The following NFATC2 variants were observed in gnomAD, a reference collection of about 807,000 sequenced individuals.
The protein encoded by NFATC2 is nuclear factor of activated T cells 2, also known as nuclear factor of activated T-cells, cytoplasmic 2.
A neutral mutation model predicts 87.3 loss-of-function variants in NFATC2; 22 were observed. The observed-to-expected ratio is 0.25, with a 90% CI of 0.18 to 0.36. The LOEUF (loss-of-function observed/expected upper bound fraction) is 0.36, where lower values mean the gene tolerates loss of function less well. Among genes scored for constraint, NFATC2 ranks in the 10% least tolerant of loss-of-function variants. The pLI is 1.00. For synonymous variants in NFATC2, 565 were observed against 542.2 expected (o/e 1.04, Z -0.58); for missense variants, 1,149 against 1,259.1 (o/e 0.91, Z 1.32).
chr20:51,512,383 T>A (rs1301486329), intron 3 of NFATC2, among the ~76,000 whole-genome samples: 1 of 152,012 alleles, frequency 6.6e-6, no homozygotes, highest in East Asian at 1.9e-4. Flanking sequence ...ACTCAAACCA[T>A]CCTAGTCCAC....
At position 51,391,332 on chromosome 20, in the gene NFATC2, G is replaced by A. The variant is rs766678898; in HGVS notation, c.*164C>T. 3 of 1,519,332 alleles carry A rather than the reference G, an allele frequency of 2.0e-6. No individual in the cohort carries two copies. The highest frequency in any genetic ancestry group is 2.7e-6 in the Non-Finnish European group (3 of 1,094,104). 94.1% of individuals were successfully genotyped at this position (1,519,332 alleles called of 1,614,324 possible). A position where few individuals can be genotyped will look rare whatever the true frequency, so the allele number is the denominator to read the frequency against. On this transcript the variant is annotated 3_prime_UTR_variant, in exon 11 of 11. Transcript: ENST00000371564. Reference sequence around the variant, plus strand: ...AGATGAACATGAAAGGAGACAGAAGGTGAGGGGCTGTGGAGGGCTCCGAGG... The same window carrying A: ...AGATGAACATGAAAGGAGACAGAAGATGAGGGGCTGTGGAGGGCTCCGAGG...
At chr20:51,495,086 C>T (rs2075965853) in intron 3 of NFATC2, among the ~76,000 whole-genome samples, 1 of 152,088 alleles carries the variant, frequency 6.6e-6, no homozygotes, top group African/African-American at 2.4e-5. Context: ...GACCCTAAAC[C>T]TCATTTTATT....
intron 9 of NFATC2, among the ~76,000 whole-genome samples, chr20:51,415,441 T>A (rs1000298249): frequency 6.6e-6 from 1 of 152,080 alleles, no homozygotes; most frequent in African/African-American, 2.4e-5. Flanking sequence ...CCCGGCTTCC[T>A]GAAGACAGAT....
chr20:51,435,890 T>C (rs139515557), intron 6 of NFATC2, 129 bp from the exon 7 acceptor site: 15,108 of 721,476 alleles, frequency 0.021, 214 homozygotes, highest in Non-Finnish European at 0.027. Context: ...TGTGTCAATA[T>C]GTGCACGTGT....
intron 3 of NFATC2, among the ~76,000 whole-genome samples, chr20:51,492,534 G>T (rs903270283): frequency 6.6e-6 from 1 of 152,228 alleles, no homozygotes; most frequent in African/African-American, 2.4e-5. Flanking sequence ...ACAGGGGAAA[G>T]CTTTTCCTCT....
intron 7 of NFATC2, 43 bp downstream of exon 7, chr20:51,435,663 C>T (rs755550930): frequency 5.7e-6 from 9 of 1,584,442 alleles, no homozygotes; most frequent in East Asian, 4.5e-5. Context: ...AAGAGGGAAA[C>T]GTGAGGGGGA....
intron 6 of NFATC2, among the ~76,000 whole-genome samples, chr20:51,451,033 G>C (rs897138276): frequency 6.6e-6 from 1 of 152,198 alleles, no homozygotes; most frequent in Admixed American, 6.5e-5. Flanking sequence ...AACTTGGTAG[G>C]ATCCAGCCTC....
At chr20:51,418,302 G>A (rs192544552) in intron 9 of NFATC2, among the ~76,000 whole-genome samples, 1 of 152,226 alleles carries the variant, frequency 6.6e-6, no homozygotes. Flanking sequence ...TTCAGATGGT[G>A]GTTCTTAACC....
At chr20:51,486,715 C>G (rs565213264) in intron 3 of NFATC2, among the ~76,000 whole-genome samples, 14 of 152,046 alleles carry the variant, frequency 9.2e-5, no homozygotes, top group African/African-American at 3.4e-4. Flanking sequence ...GATTGATTCT[C>G]AGGTTCCTAT....
chr20:51,560,581 G>C (rs767759184), intron 1 of NFATC2, among the ~76,000 whole-genome samples: 1 of 152,148 alleles, frequency 6.6e-6, no homozygotes, highest in South Asian at 2.1e-4. Context: ...AGAGACCACC[G>C]TGCAGGGCAT....
intron 3 of NFATC2, among the ~76,000 whole-genome samples, chr20:51,477,321 T>C (rs1988797843): frequency 6.6e-6 from 1 of 151,524 alleles, no homozygotes; most frequent in African/African-American, 2.4e-5. Flanking sequence ...TTTCCATCCA[T>C]CCAGTTATAA....
At position 51,561,404 on chromosome 20, in the gene NFATC2, AAAAG is replaced by A. The variant is rs1166849896; in HGVS notation, c.70+1152_70+1155del. Among the ~76,000 whole-genome samples, 279 of 148,204 alleles carry A rather than the reference AAAAG, an allele frequency of 1.9e-3. 1 individual carries two copies. The highest frequency in any genetic ancestry group is 4.7e-3 in the African/African-American group (180 of 38,562). On this transcript the variant is annotated intron_variant, in intron 1 of 10. Transcript: ENST00000414705. ...AAGAAAGAAAGAAAGAGAGAGAAAG[AAAAG>A]AAAGAAAGAAAGAGAGAGAAAGAAA...
chr20:51,516,305 C>T (rs745660230), intron 3 of NFATC2, among the ~76,000 whole-genome samples: 3 of 151,994 alleles, frequency 2.0e-5, no homozygotes, highest in African/African-American at 7.2e-5. Context: ...CAGAGGCTGG[C>T]GTGTTTGTGA....
chr20:51,548,855 C>T (rs1230197971), intron 1 of NFATC2, among the ~76,000 whole-genome samples: 1 of 152,242 alleles, frequency 6.6e-6, no homozygotes, highest in Admixed American at 6.5e-5. Flanking sequence ...TGGGACTCAA[C>T]AGGGATGTCC....
At chr20:51,464,723 T>C (rs628672) in intron 5 of NFATC2, among the ~76,000 whole-genome samples, 106,376 of 151,768 alleles carry the variant, frequency 0.7, 38,140 homozygotes, top group Non-Finnish European at 0.77. Context: ...GGCCCTTGAG[T>C]TGGTCTCTGA....
chr20:51,400,204 C>T (rs538267839), intron 9 of NFATC2, among the ~76,000 whole-genome samples: 13 of 152,256 alleles, frequency 8.5e-5, no homozygotes, highest in South Asian at 4.1e-4. Flanking sequence ...TGTTAGAGCA[C>T]GCCACTCCCT....
intron 5 of NFATC2, among the ~76,000 whole-genome samples, chr20:51,467,779 A>G (rs1317777169): frequency 6.6e-6 from 1 of 152,170 alleles, no homozygotes; most frequent in Admixed American, 6.5e-5. Flanking sequence ...GAAAATACAT[A>G]AATAAAAACA....
In NFATC2 at chr20:51,474,071, G is replaced by A. The variant is rs750424232; in HGVS notation, c.1617C>T (p.Asn539=). The change falls in exon 5 of 11, where the codon AAC becomes AAT. Residue 539 remains asparagine, a synonymous_variant. Transcript: ENST00000371564. ...CTCGGAAAACCAGTCTCACCCGCGT[G>A]TTCTTTCTTCCAATGTCCGTCTCGC... ...RKGETDIGRK[N]TRVRLVFRVH... 1 of 1,614,232 alleles carries A rather than the reference G, an allele frequency of 6.2e-7. No individual in the cohort carries two copies. The highest frequency in any genetic ancestry group is 1.7e-5 in the Admixed American group (1 of 60,024).
intron 2 of NFATC2, 102 bp downstream of exon 2, chr20:51,522,979 T>G (rs2076473202): frequency 1.4e-6 from 2 of 1,469,764 alleles, no homozygotes; most frequent in Non-Finnish European, 1.8e-6. Flanking sequence ...TAAATCCATT[T>G]AAAGTCAGTC....
Sources: gnomAD v4.1 joint callset for allele counts (sites outside exome capture counted in the v4.1 genomes callset) on GRCh38, gnomAD v4.1.1 for gene constraint, MANE v1.5 for transcripts, NCBI Gene and HGNC (gene_info 2026-07-23, HGNC 2026-07-21) for gene names.